Variants in PDE4D observed in about 807,000 individuals in gnomAD.
The protein encoded by PDE4D is 3',5'-cyclic-AMP phosphodiesterase 4D.
In PDE4D, 24 loss-of-function variants were observed where a neutral mutation model predicts 87.4. That is an observed-to-expected ratio of 0.27 (90% CI 0.20 to 0.39). PDE4D has a LOEUF of 0.39. Ranked by LOEUF, PDE4D falls within the 10% of genes least tolerant of loss-of-function variation. PDE4D has a pLI of 1.00. For missense variants in PDE4D, 714 were observed against 1,041.0 expected, an observed-to-expected ratio of 0.69 and a Z score of 4.32; for synonymous variants, 384 against 383.2, an observed-to-expected ratio of 1.00 and a Z score of -0.02.
chr5:59,346,534 CT>C (rs536452866), intron 1 of PDE4D, among the ~76,000 whole-genome samples: 1 of 152,142 alleles, frequency 6.6e-6, no homozygotes, highest in East Asian at 1.9e-4. Context: ...ATAATTTCTT[CT>C]TTCCCTTTCT....
intron 3 of PDE4D, among the ~76,000 whole-genome samples, chr5:59,951,364 T>C (rs1247541384): frequency 6.6e-6 from 1 of 152,332 alleles, no homozygotes; most frequent in Non-Finnish European, 1.5e-5. Flanking sequence ...TGGTGGTCAG[T>C]AACTTTTTAC....
At chr5:59,249,355 G>A (rs761568778) in intron 1 of PDE4D, among the ~76,000 whole-genome samples, 2 of 152,106 alleles carry the variant, frequency 1.3e-5, no homozygotes, top group Non-Finnish European at 2.9e-5. Flanking sequence ...CTCAAGCAGT[G>A]TGGCTTGGAG....
intron 1 of PDE4D, among the ~76,000 whole-genome samples, chr5:59,855,364 G>A (rs6866277): frequency 0.095 from 14,375 of 152,000 alleles, 2,096 homozygotes; most frequent in African/African-American, 0.31. Context: ...AAAGATACAC[G>A]TAATAACAAA....
intron 1 of PDE4D, among the ~76,000 whole-genome samples, chr5:59,521,027 G>C (rs1812135434): frequency 1.3e-5 from 2 of 151,820 alleles, no homozygotes; most frequent in Non-Finnish European, 2.9e-5. Flanking sequence ...TATACTCCTA[G>C]GATGAAGAGA....
intron 1 of PDE4D, among the ~76,000 whole-genome samples, chr5:59,676,337 T>A (rs1025821798): frequency 1.3e-5 from 2 of 152,206 alleles, no homozygotes; most frequent in African/African-American, 4.8e-5. Context: ...ATTTTCTAGG[T>A]ATTTTTCACA....
At chr5:60,046,535 C>T (rs1414436468) in intron 2 of PDE4D, among the ~76,000 whole-genome samples, 1 of 152,046 alleles carries the variant, frequency 6.6e-6, no homozygotes, top group African/African-American at 2.4e-5. Flanking sequence ...TTTTGAAATA[C>T]ATCCCATCAA....
At chr5:59,838,415 C>T (rs1742481591) in intron 1 of PDE4D, among the ~76,000 whole-genome samples, 1 of 152,066 alleles carries the variant, frequency 6.6e-6, no homozygotes, top group African/African-American at 2.4e-5. Context: ...GGGGTGTTTC[C>T]ACCATGCTAT....
chr5:59,407,254 A>G (rs562507372), intron 1 of PDE4D, among the ~76,000 whole-genome samples: 30 of 152,068 alleles, frequency 2.0e-4, no homozygotes, highest in Non-Finnish European at 3.5e-4. Context: ...TGCTCCCCCT[A>G]TTGCCACGTG....
intron 2 of PDE4D, among the ~76,000 whole-genome samples, chr5:60,002,190 T>A: frequency 6.6e-6 from 1 of 151,690 alleles, no homozygotes. Context: ...AGGATACACA[T>A]AGGCTGAAAG....
chr5:59,111,133 T>G (rs140863170), intron 5 of PDE4D, among the ~76,000 whole-genome samples: 1 of 152,210 alleles, frequency 6.6e-6, no homozygotes, highest in African/African-American at 2.4e-5. Flanking sequence ...GCTGTGATAA[T>G]CTATACACTT....
intron 1 of PDE4D, among the ~76,000 whole-genome samples, chr5:59,233,686 C>G (rs1027527952): frequency 4.6e-5 from 7 of 152,088 alleles, no homozygotes; most frequent in Admixed American, 4.6e-4. Context: ...AAATTTGAGC[C>G]CTCTTTCTCT....
chr5:59,380,174 A>G (rs988504652), intron 1 of PDE4D, among the ~76,000 whole-genome samples: 3 of 152,192 alleles, frequency 2.0e-5, no homozygotes, highest in African/African-American at 7.2e-5. Context: ...TATTATATGC[A>G]TAAATCATAT....
At chr5:60,502,995 C>A (rs1750155420) in intron 1 of PDE4D, among the ~76,000 whole-genome samples, 1 of 152,050 alleles carries the variant, frequency 6.6e-6, no homozygotes, top group East Asian at 1.9e-4. Flanking sequence ...ACAACAAGGG[C>A]AAAATTCACT....
intron 2 of PDE4D, among the ~76,000 whole-genome samples, chr5:60,000,025 G>C (rs749432172): frequency 1.3e-4 from 19 of 151,696 alleles, no homozygotes; most frequent in Admixed American, 4.6e-4. Flanking sequence ...AAATTATGAA[G>C]CCAGAGATAC....
chr5:59,952,047 T>C (rs768057340), intron 3 of PDE4D, among the ~76,000 whole-genome samples: 2 of 152,134 alleles, frequency 1.3e-5, no homozygotes, highest in African/African-American at 4.8e-5. Context: ...CAGGTAGAAG[T>C]AACTGGATCA....
At chr5:59,132,675 T>C (rs1441589180) in intron 5 of PDE4D, among the ~76,000 whole-genome samples, 1 of 152,228 alleles carries the variant, frequency 6.6e-6, no homozygotes, top group Non-Finnish European at 1.5e-5. Flanking sequence ...CTGTTACATA[T>C]ACAGGCATAG....
chr5:59,861,323 T>C (rs1581469228), intron 1 of PDE4D, among the ~76,000 whole-genome samples: 2 of 152,288 alleles, frequency 1.3e-5, no homozygotes, highest in East Asian at 3.9e-4. Context: ...ATTTAATGAG[T>C]CACCTAATTT....
At chr5:59,709,281 A>T (rs1257562034) in intron 1 of PDE4D, among the ~76,000 whole-genome samples, 1 of 152,162 alleles carries the variant, frequency 6.6e-6, no homozygotes, top group Non-Finnish European at 1.5e-5. Context: ...ATAAACAGAA[A>T]ATCTAAACTC....
chr5:60,481,762 T>C (rs890669714), intron 1 of PDE4D, among the ~76,000 whole-genome samples: 3 of 152,204 alleles, frequency 2.0e-5, no homozygotes, highest in African/African-American at 4.8e-5. Context: ...ACTTTTTCAC[T>C]ATAAGACATA....
Sources: allele counts gnomAD v4.1 joint callset (sites outside exome capture counted in the v4.1 genomes callset), GRCh38; gene constraint gnomAD v4.1.1; transcripts MANE v1.5; gene names NCBI Gene and HGNC (gene_info 2026-07-23, HGNC 2026-07-21).